CYP19A1: variants seen among roughly 807,000 people sequenced by gnomAD.
CYP19A1 encodes the protein cytochrome P450 family 19 subfamily A member 1, also known as aromatase.
A neutral mutation model predicts 44.4 loss-of-function variants in CYP19A1; 32 were observed. The observed-to-expected ratio is 0.72, with a 90% CI of 0.54 to 0.97. The LOEUF is 0.97. CYP19A1 is among the 50% of genes least tolerant of loss of function. The probability of loss-of-function intolerance (pLI) is 0.00; values close to 1 mark genes in which losing one functional copy is unlikely to be tolerated. For missense variants in CYP19A1, 598 were observed against 637.8 expected (o/e 0.94, Z 0.67); for synonymous variants, 212 against 215.6 (o/e 0.98, Z 0.14).
At chr15:51,275,612 A>G (rs2035280291) in intron 1 of CYP19A1, among the ~76,000 whole-genome samples, 1 of 152,230 alleles carries the variant, frequency 6.6e-6, no homozygotes, top group Non-Finnish European at 1.5e-5. Context: ...GTTGCTGTAA[A>G]GGTTAAGCAA....
intron 1 of CYP19A1, among the ~76,000 whole-genome samples, chr15:51,326,790 A>T (rs898231343): frequency 9.2e-5 from 14 of 152,244 alleles, no homozygotes; most frequent in Non-Finnish European, 1.8e-4. Flanking sequence ...GGAAGGGGCC[A>T]GGGCAATGAG....
chr15:51,236,670 G>T (rs1263463790), intron 3 of CYP19A1, among the ~76,000 whole-genome samples, 189 bp downstream of exon 3: 1 of 152,192 alleles, frequency 6.6e-6, no homozygotes, highest in Non-Finnish European at 1.5e-5. Context: ...TGTACTGCTG[G>T]CTTCAATTCA....
chr15:51,227,018 A>T (rs2032639392), intron 4 of CYP19A1, among the ~76,000 whole-genome samples: 3 of 152,130 alleles, frequency 2.0e-5, no homozygotes, highest in Middle Eastern at 3.2e-3. Context: ...CTCAGCAAAC[A>T]CATTGTTTGG....
intron 3 of CYP19A1, among the ~76,000 whole-genome samples, chr15:51,228,981 G>C (rs2032809315): frequency 6.6e-6 from 1 of 152,146 alleles, no homozygotes; most frequent in African/African-American, 2.4e-5. Flanking sequence ...CCATCTCCTA[G>C]TTGACACTTG....
chr15:51,318,925 A>G (rs1033338200), intron 1 of CYP19A1: 1 of 152,216 alleles, frequency 6.6e-6, no homozygotes, highest in Non-Finnish European at 1.5e-5. Flanking sequence ...CATGAACCAC[A>G]TATTTCCCCA....
chr15:51,243,094 G>A (rs2033875275), intron 1 of CYP19A1, 144 bp from the exon 2 acceptor site: 5 of 655,958 alleles, frequency 7.6e-6, no homozygotes, highest in Non-Finnish European at 1.4e-5. Flanking sequence ...ACTAATTTAT[G>A]GTTACAAGTC....
chr15:51,245,804 C>G (rs191205665), intron 1 of CYP19A1, among the ~76,000 whole-genome samples: 1 of 152,340 alleles, frequency 6.6e-6, no homozygotes, highest in East Asian at 1.9e-4. Context: ...AGAGCTAAGT[C>G]TAATTATCCC....
At chr15:51,283,087 TAAA>T (rs2035581979) in intron 1 of CYP19A1, among the ~76,000 whole-genome samples, 1 of 152,010 alleles carries the variant, frequency 6.6e-6, no homozygotes, top group Non-Finnish European at 1.5e-5. Flanking sequence ...TGAGTGATAA[TAAA>T]GGCAGCTTTT....
chr15:51,214,954 T>A, intron 8 of CYP19A1, 116 bp downstream of exon 8: 1 of 1,478,190 alleles, frequency 6.8e-7, no homozygotes, highest in African/African-American at 1.4e-5. Context: ...CTTGCTTTAT[T>A]GTTTGGAGCA....
chr15:51,260,305 A>G (rs1286892239), intron 1 of CYP19A1, among the ~76,000 whole-genome samples: 1 of 152,248 alleles, frequency 6.6e-6, no homozygotes, highest in Non-Finnish European at 1.5e-5. Flanking sequence ...ATGTGAAGTC[A>G]GGGGAAAGCA....
At chr15:51,324,957 A>G (rs1289809734) in intron 1 of CYP19A1, among the ~76,000 whole-genome samples, 2 of 152,248 alleles carry the variant, frequency 1.3e-5, no homozygotes, top group African/African-American at 4.8e-5. Flanking sequence ...AAAATGAGAA[A>G]GCAGGATAAA....
chr15:51,226,556 A>T (rs530555321), intron 4 of CYP19A1, among the ~76,000 whole-genome samples: 1 of 152,206 alleles, frequency 6.6e-6, no homozygotes, highest in Non-Finnish European at 1.5e-5. Flanking sequence ...AGGTACTGGC[A>T]TAGCTCCCCC....
chr15:51,320,378 A>G (rs1280699603), intron 1 of CYP19A1: 1 of 152,380 alleles, frequency 6.6e-6, no homozygotes, highest in Non-Finnish European at 1.5e-5. Context: ...TAAGCACTGG[A>G]GAGAACAGAC....
intron 4 of CYP19A1, among the ~76,000 whole-genome samples, 198 bp from the exon 5 acceptor site, chr15:51,222,723 G>T (rs916101046): frequency 6.6e-6 from 1 of 152,210 alleles, no homozygotes; most frequent in South Asian, 2.1e-4. Flanking sequence ...CTATGGTTAA[G>T]AATGAATGAA....
At chr15:51,288,327 A>G (rs1407487212) in intron 1 of CYP19A1, among the ~76,000 whole-genome samples, 2 of 151,958 alleles carry the variant, frequency 1.3e-5, no homozygotes, top group East Asian at 3.9e-4. Flanking sequence ...CGCTCTGCCC[A>G]CTGTCCAAAG....
intron 1 of CYP19A1, among the ~76,000 whole-genome samples, chr15:51,252,009 C>T (rs1450028836): frequency 1.3e-5 from 2 of 152,156 alleles, no homozygotes; most frequent in Admixed American, 6.5e-5. Flanking sequence ...CTTAGCTGCC[C>T]CTCCCCAGCC....
chr15:51,266,864 T>G (rs1239485227), intron 1 of CYP19A1, among the ~76,000 whole-genome samples: 1 of 152,224 alleles, frequency 6.6e-6, no homozygotes, highest in Non-Finnish European at 1.5e-5. Context: ...GCTTTCATTC[T>G]GGAAGGGAAG....
intron 1 of CYP19A1, among the ~76,000 whole-genome samples, chr15:51,270,927 C>T (rs531344079): frequency 5.3e-5 from 8 of 152,214 alleles, no homozygotes; most frequent in Admixed American, 2.0e-4. Context: ...ATTCCACCCC[C>T]ACAACAACTG....
At chr15:51,251,448 A>G (rs2034306641) in intron 1 of CYP19A1, among the ~76,000 whole-genome samples, 1 of 152,184 alleles carries the variant, frequency 6.6e-6, no homozygotes, top group Non-Finnish European at 1.5e-5. Context: ...CGGCAGAAAC[A>G]GGGAATGTCT....
Sources: allele counts gnomAD v4.1 joint callset (sites outside exome capture counted in the v4.1 genomes callset), GRCh38; gene constraint gnomAD v4.1.1; transcripts MANE v1.5; gene names NCBI Gene and HGNC (gene_info 2026-07-23, HGNC 2026-07-21).